SRBD1: variants seen among roughly 807,000 people sequenced by gnomAD.
The protein encoded by SRBD1 is S1 RNA binding domain 1.
SRBD1 carries 88 observed loss-of-function variants against 115.3 expected under a neutral mutation model. The ratio of observed to expected loss-of-function variants is 0.76; its 90% CI spans 0.64 to 0.91. The LOEUF (loss-of-function observed/expected upper bound fraction) is 0.91. Ranked by LOEUF, SRBD1 falls within the 40% of genes least tolerant of loss-of-function variation. The probability of loss-of-function intolerance (pLI) is 0.00; values close to 1 mark genes in which losing one functional copy is unlikely to be tolerated. For missense variants in SRBD1, 1,385 were observed against 1,177.4 expected, an observed-to-expected ratio of 1.18 and a Z score of -2.58; for synonymous variants, 509 against 407.7, an observed-to-expected ratio of 1.25 and a Z score of -2.99.
At chr2:45,578,628 G>T (rs1425010297) in intron 7 of SRBD1, among the ~76,000 whole-genome samples, 1 of 151,964 alleles carries the variant, frequency 6.6e-6, no homozygotes, top group Non-Finnish European at 1.5e-5. Context: ...TGTTATCAGA[G>T]ACTGCCCCCT....
chr2:45,594,603 G>C (rs1347901108), intron 4 of SRBD1, among the ~76,000 whole-genome samples: 1 of 152,182 alleles, frequency 6.6e-6, no homozygotes, highest in African/African-American at 2.4e-5. Flanking sequence ...AAAAGACCTG[G>C]TGATCCCCAA....
chr2:45,463,160 C>T (rs1443587124), intron 16 of SRBD1, among the ~76,000 whole-genome samples: 1 of 152,120 alleles, frequency 6.6e-6, no homozygotes, highest in South Asian at 2.1e-4. Flanking sequence ...GGACGGAGAA[C>T]TTTGCCATGA....
At chr2:45,566,850 A>C (rs1311324210) in intron 9 of SRBD1, among the ~76,000 whole-genome samples, 1 of 152,124 alleles carries the variant, frequency 6.6e-6, no homozygotes, top group East Asian at 1.9e-4. Flanking sequence ...TATATTAAAA[A>C]TTAAACAACA....
At chr2:45,480,133 C>A (rs1669916217) in intron 15 of SRBD1, among the ~76,000 whole-genome samples, 1 of 152,174 alleles carries the variant, frequency 6.6e-6, no homozygotes, top group Non-Finnish European at 1.5e-5. Flanking sequence ...ATGCACCTGT[C>A]ATCCAAGAGC....
At chr2:45,594,989 A>T (rs1232393694) in intron 4 of SRBD1, among the ~76,000 whole-genome samples, 1 of 152,208 alleles carries the variant, frequency 6.6e-6, no homozygotes, top group Non-Finnish European at 1.5e-5. Flanking sequence ...AAGGAAAGCA[A>T]TCCACTTTCT....
At chr2:45,553,806 G>A in intron 10 of SRBD1, 76 bp from the exon 11 acceptor site, 1 of 893,522 alleles carries the variant, frequency 1.1e-6, no homozygotes, top group South Asian at 2.3e-5. Context: ...AAAAAGAAGG[G>A]AGATGGAATA....
chr2:45,397,080 C>T (rs1667167873), intron 19 of SRBD1, among the ~76,000 whole-genome samples: 2 of 152,100 alleles, frequency 1.3e-5, no homozygotes, highest in South Asian at 4.1e-4. Context: ...AGTAACGCAA[C>T]AAGCACAAAA....
intron 4 of SRBD1, among the ~76,000 whole-genome samples, chr2:45,586,910 A>G (rs1053793668): frequency 6.8e-6 from 1 of 147,622 alleles, no homozygotes; most frequent in South Asian, 2.1e-4. Flanking sequence ...GGTATTTTAA[A>G]TATTTAATTA....
intron 14 of SRBD1, among the ~76,000 whole-genome samples, chr2:45,530,397 T>C (rs1671575221): frequency 1.3e-5 from 2 of 151,944 alleles, no homozygotes; most frequent in Non-Finnish European, 2.9e-5. Flanking sequence ...TTACGTAGGA[T>C]ACACAAAACC....
chr2:45,451,596 C>T (rs1572655544), intron 16 of SRBD1, among the ~76,000 whole-genome samples: 1 of 151,734 alleles, frequency 6.6e-6, no homozygotes, highest in African/African-American at 2.4e-5. Flanking sequence ...TTCAGAGACA[C>T]ACAACAGCAA....
intron 6 of SRBD1, 33 bp downstream of exon 6, chr2:45,581,660 G>T: frequency 6.5e-7 from 1 of 1,530,066 alleles, no homozygotes; most frequent in Non-Finnish European, 9.0e-7. Context: ...ATATATTCAG[G>T]TATTACATTA....
At chr2:45,513,860 A>G (rs542644714) in intron 14 of SRBD1, among the ~76,000 whole-genome samples, 1 of 152,276 alleles carries the variant, frequency 6.6e-6, no homozygotes, top group South Asian at 2.1e-4. Context: ...AGGATGCTAA[A>G]GACAAGTTTA....
chr2:45,440,099 A>G (rs181020203), intron 16 of SRBD1, among the ~76,000 whole-genome samples: 29 of 152,318 alleles, frequency 1.9e-4, no homozygotes, highest in Admixed American at 5.9e-4. Context: ...AGTTAATGAC[A>G]CAAGCTTGCT....
At chr2:45,605,263 T>A in intron 2 of SRBD1, 99 bp downstream of exon 2, 1 of 1,221,904 alleles carries the variant, frequency 8.2e-7, no homozygotes. Context: ...AAGTTTTTTC[T>A]ACCCACATCA....
intron 4 of SRBD1, among the ~76,000 whole-genome samples, chr2:45,594,124 C>A (rs1673814752): frequency 6.6e-6 from 1 of 152,124 alleles, no homozygotes; most frequent in Admixed American, 6.5e-5. Flanking sequence ...ATAGGTTAAA[C>A]CTAATAAGTG....
intron 4 of SRBD1, among the ~76,000 whole-genome samples, chr2:45,598,714 C>A (rs1673985497): frequency 6.6e-6 from 1 of 152,094 alleles, no homozygotes; most frequent in African/African-American, 2.4e-5. Flanking sequence ...GAATCAGGAT[C>A]CAGCAGAGGC....
chr2:45,464,680 C>CTTGAAATT (rs1216448541), intron 16 of SRBD1, among the ~76,000 whole-genome samples: 2 of 152,118 alleles, frequency 1.3e-5, no homozygotes, highest in Admixed American at 1.3e-4. Context: ...ATCAACTAAA[C>CTTGAAATT]CCAAGGGCTT....
intron 12 of SRBD1, among the ~76,000 whole-genome samples, chr2:45,548,107 G>C (rs890657956): frequency 6.6e-6 from 1 of 150,924 alleles, no homozygotes; most frequent in African/African-American, 2.4e-5. Context: ...AAATTATTTT[G>C]ATTAAAAGTA....
intron 4 of SRBD1, among the ~76,000 whole-genome samples, chr2:45,589,528 A>C (rs1301371802): frequency 1.3e-5 from 2 of 152,232 alleles, no homozygotes; most frequent in African/African-American, 4.8e-5. Context: ...TTGTTAGAGC[A>C]ATCCATGGGC....
Sources: allele counts gnomAD v4.1 joint callset (sites outside exome capture counted in the v4.1 genomes callset), GRCh38; gene constraint gnomAD v4.1.1; transcripts MANE v1.5; gene names NCBI Gene and HGNC (gene_info 2026-07-23, HGNC 2026-07-21).